Variants in DCAF5 observed in about 807,000 individuals in gnomAD.
DCAF5 encodes the protein DDB1 and CUL4 associated factor 5.
In DCAF5, 9 loss-of-function variants were observed where a neutral mutation model predicts 80.7. The ratio of observed to expected loss-of-function variants is 0.11; its 90% CI spans 0.07 to 0.19. The LOEUF (loss-of-function observed/expected upper bound fraction) is 0.19. Ranked by LOEUF, DCAF5 falls within the 10% of genes least tolerant of loss-of-function variation. The pLI, the probability that DCAF5 is intolerant of heterozygous loss-of-function variation, is 1.00. For missense variants in DCAF5, 842 were observed against 1,205.7 expected, an observed-to-expected ratio of 0.70 and a Z score of 4.47; for synonymous variants, 433 against 461.9, an observed-to-expected ratio of 0.94 and a Z score of 0.80.
chr14:69,092,352 C>T (rs1037653412), intron 5 of DCAF5, among the ~76,000 whole-genome samples: 1 of 152,174 alleles, frequency 6.6e-6, no homozygotes, highest in Admixed American at 6.5e-5. Context: ...TGCAGTGGTT[C>T]AGGCCTTTAA....
At chr14:69,082,663 C>T (rs2039157317) in intron 6 of DCAF5, among the ~76,000 whole-genome samples, 1 of 152,156 alleles carries the variant, frequency 6.6e-6, no homozygotes, top group African/African-American at 2.4e-5. Flanking sequence ...CCATGGGCTT[C>T]AGTTTTTGTA....
intron 7 of DCAF5, among the ~76,000 whole-genome samples, chr14:69,064,759 T>C (rs2038365433): frequency 1.3e-5 from 2 of 152,194 alleles, no homozygotes; most frequent in South Asian, 4.1e-4. Context: ...ACTGAGTACA[T>C]GATGAGAATA....
chr14:69,062,431 G>A lies in DCAF5; in HGVS notation c.1027C>T (p.Pro343Ser), dbSNP rs1566722420. The change falls in exon 8 of 9, where the codon CCC becomes TCC. Residue 343 changes from proline to serine, a missense_variant. Pro to Ser is a moderately conservative substitution (Grantham distance 74, BLOSUM62 -1). Transcript: ENST00000341516. ...GAAGAGCAGATCATGTAGGTGTGGG[G>A]ATTAAATCGGACTTGGTTAACAATA... ...RSIVNQVRFN[P>S]HTYMICSSGV... is the part of the protein sequence containing the mutation. The A allele has an allele frequency of 6.2e-7, 1 of 1,613,910 alleles. No homozygotes were observed. The highest frequency in any genetic ancestry group is 8.5e-7 in the Non-Finnish European group (1 of 1,179,936).
chr14:69,086,853 G>A (rs1390362198), intron 6 of DCAF5, among the ~76,000 whole-genome samples: 1 of 152,128 alleles, frequency 6.6e-6, no homozygotes, highest in Non-Finnish European at 1.5e-5. Context: ...TTATGATCAC[G>A]ATTTTTGGGG....
intron 5 of DCAF5, among the ~76,000 whole-genome samples, chr14:69,092,268 G>A (rs948441117): frequency 5.3e-5 from 8 of 152,112 alleles, no homozygotes; most frequent in African/African-American, 1.9e-4. Context: ...GGGTAGTCAT[G>A]GACAGTGTTT....
chr14:69,116,786 A>G (rs2040557735), intron 4 of DCAF5, among the ~76,000 whole-genome samples: 1 of 152,228 alleles, frequency 6.6e-6, no homozygotes, highest in Admixed American at 6.5e-5. Flanking sequence ...TAAAAATGGG[A>G]AAATAAGCCA....
intron 5 of DCAF5, among the ~76,000 whole-genome samples, chr14:69,096,740 G>A (rs1594988473): frequency 6.6e-6 from 1 of 151,930 alleles, no homozygotes; most frequent in African/African-American, 2.4e-5. Flanking sequence ...ACAAAATAAG[G>A]GACTCAACAT....
chr14:69,110,270 CTT>C (rs538619956), intron 5 of DCAF5, among the ~76,000 whole-genome samples: 2 of 106,816 alleles, frequency 1.9e-5, no homozygotes, highest in Admixed American at 1.1e-4. Context: ...TTTTCACTTA[CTT>C]TTTTTTTTTT....
intron 7 of DCAF5, 32 bp from the exon 8 acceptor site, chr14:69,062,543 GATGAA>G (rs1566722635): frequency 6.2e-7 from 1 of 1,608,496 alleles, no homozygotes; most frequent in African/African-American, 1.3e-5. Context: ...AAAATCAGAT[GATGAA>G]ATGAATGAAA....
At chr14:69,128,193 C>CTT (rs554746869) in intron 1 of DCAF5, among the ~76,000 whole-genome samples, 270 of 142,028 alleles carry the variant, frequency 1.9e-3, no homozygotes, top group African/African-American at 6.4e-3. Flanking sequence ...TTTTCTTCTT[C>CTT]TTTTTTTTTT....
At chr14:69,134,654 A>T (rs2041137213) in intron 1 of DCAF5, among the ~76,000 whole-genome samples, 1 of 152,248 alleles carries the variant, frequency 6.6e-6, no homozygotes, top group South Asian at 2.1e-4. Context: ...ATCAGTCTAA[A>T]GGAAGACTAC....
At chr14:69,084,918 G>A (rs2039259548) in intron 6 of DCAF5, 1 of 1,415,934 alleles carries the variant, frequency 7.1e-7, no homozygotes, top group African/African-American at 1.4e-5. Context: ...TCATCGTGTG[G>A]GTAGAACAGC....
In DCAF5 at chr14:69,091,876, C is replaced by T. The variant is rs1317990081; in HGVS notation, c.677G>A (p.Arg226His). 7 of 1,612,072 alleles carry T rather than the reference C, an allele frequency of 4.3e-6. No homozygotes were observed. The highest frequency in any genetic ancestry group is 3.3e-5 in the South Asian group (3 of 90,872). ...TTGGAGGGACAGGTTTCCACCATAGCGCAGGAGAGAACTGGAAGGCACAAG... is the reference window on the plus strand; with the variant it reads ...TTGGAGGGACAGGTTTCCACCATAGTGCAGGAGAGAACTGGAAGGCACAAG... ...DIRKPQSSLL[R>H]YGGNLSLQSA... Residue 226 changes from arginine (R) to histidine (H), a missense_variant, in exon 6 of 9, where the codon CGC becomes CAC. By Grantham distance (29) the Arg-to-His change is conservative (BLOSUM62 0). Coordinates refer to ENST00000341516, the MANE Select transcript of DCAF5 (RefSeq NM_003861.3).
intron 5 of DCAF5, among the ~76,000 whole-genome samples, chr14:69,105,532 G>T (rs920322836): frequency 6.6e-6 from 1 of 152,138 alleles, no homozygotes; most frequent in Non-Finnish European, 1.5e-5. Flanking sequence ...GAGTCAGTGG[G>T]CAGGGAGAAC....
chr14:69,125,346 C>A (rs146796612), intron 1 of DCAF5, among the ~76,000 whole-genome samples: 38 of 152,242 alleles, frequency 2.5e-4, no homozygotes, highest in Non-Finnish European at 4.9e-4. Context: ...AACTGAAGGA[C>A]CAGAACAGGA....
intron 1 of DCAF5, among the ~76,000 whole-genome samples, chr14:69,151,451 A>G (rs1205567253): frequency 1.3e-5 from 2 of 152,216 alleles, no homozygotes; most frequent in Non-Finnish European, 2.9e-5. Context: ...GCTCACGGAC[A>G]CAAATTAGAA....
In DCAF5 at chr14:69,085,074, G is replaced by A. The variant is rs552047026; in HGVS notation, c.879+6600C>T. 39 of 1,085,444 alleles carry A rather than the reference G, an allele frequency of 3.6e-5. No individual in the cohort carries two copies. The South Asian group carries it at 4.3e-4, about 12-fold the overall frequency. The allele number at this position is 1,085,444 out of a possible 1,614,324, so 67.2% of individuals were successfully genotyped here. On this transcript the variant is annotated intron_variant, in intron 6 of 8. Transcript: ENST00000341516. The stretch of plus-strand genomic sequence containing the variant: ...AATTTCTGACATTCAGTCTCAGCTT[G>A]AGAAATTGATTCAAAAGAACTACTT...
chr14:69,091,605 G>C lies in DCAF5; in HGVS notation c.879+69C>G, dbSNP rs946851966. 4 of 1,372,952 alleles carry C rather than the reference G, an allele frequency of 2.9e-6. No individual in the cohort carries two copies. In the African/African-American group the frequency reaches 5.7e-5, roughly 20 times the overall value. The allele number at this position is 1,372,952 out of a possible 1,614,324, so 85.0% of individuals were successfully genotyped here. A position where few individuals can be genotyped will look rare whatever the true frequency, so the allele number is the denominator to read the frequency against. The stretch of plus-strand genomic sequence containing the variant: ...TGACATAATGGTAATGAGAAATAAA[G>C]ACCAGTATAGAAAGAACAATCAGAA... On this transcript the variant is annotated intron_variant, in intron 6 of 8. Transcript: ENST00000341516.
At chr14:69,126,155 C>CT (rs1192300819) in intron 1 of DCAF5, among the ~76,000 whole-genome samples, 2,832 of 128,734 alleles carry the variant, frequency 0.022, 90 homozygotes, top group African/African-American at 0.074. Flanking sequence ...GACAGAGATT[C>CT]TTTTTTTTTT....
Sources: allele counts gnomAD v4.1 joint callset (sites outside exome capture counted in the v4.1 genomes callset), GRCh38; gene constraint gnomAD v4.1.1; transcripts MANE v1.5; gene names NCBI Gene and HGNC (gene_info 2026-07-23, HGNC 2026-07-21).